The following DOCK5 variants were observed in gnomAD, a reference collection of about 807,000 sequenced individuals.
DOCK5 encodes the protein dedicator of cytokinesis protein 5.
A neutral mutation model predicts 251.8 loss-of-function variants in DOCK5; 142 were observed. The ratio of observed to expected loss-of-function variants is 0.56; its 90% confidence interval spans 0.49 to 0.65. The LOEUF (loss-of-function observed/expected upper bound fraction) is 0.65. Ranked by LOEUF, DOCK5 falls within the 30% of genes least tolerant of loss-of-function variation. DOCK5 has a pLI of 0.00. For missense variants in DOCK5, 2,111 were observed against 2,312.3 expected (o/e 0.91, Z 1.79); for synonymous variants, 842 against 835.5 (o/e 1.01, Z -0.13).
intron 1 of DOCK5, among the ~76,000 whole-genome samples, chr8:25,219,098 G>A (rs1219315258): frequency 6.6e-6 from 1 of 151,986 alleles, no homozygotes; most frequent in Non-Finnish European, 1.5e-5. Flanking sequence ...GCTATCTGTT[G>A]GTAGACGAGT....
intron 1 of DOCK5, among the ~76,000 whole-genome samples, chr8:25,240,049 C>T (rs958939015): frequency 6.6e-6 from 1 of 152,182 alleles, no homozygotes; most frequent in African/African-American, 2.4e-5. Context: ...AGACCCACCA[C>T]TGGCAATGTC....
chr8:25,303,227 G>T (rs990716792), intron 10 of DOCK5, among the ~76,000 whole-genome samples: 1 of 152,140 alleles, frequency 6.6e-6, no homozygotes, highest in African/African-American at 2.4e-5. Context: ...CGTTTTCTTT[G>T]CATGGGTTCT....
chr8:25,256,153 T>C (rs1340317739), intron 2 of DOCK5, among the ~76,000 whole-genome samples: 1 of 152,252 alleles, frequency 6.6e-6, no homozygotes, highest in East Asian at 1.9e-4. Context: ...ATATTCTGTG[T>C]ATCTGTTCCT....
chr8:25,364,314 A>C (rs1468754735), intron 29 of DOCK5, among the ~76,000 whole-genome samples: 1 of 152,182 alleles, frequency 6.6e-6, no homozygotes, highest in Non-Finnish European at 1.5e-5. Flanking sequence ...GCTTAAACAG[A>C]AGGATCATAA....
At chr8:25,411,126 A>G (rs1801624833) in intron 51 of DOCK5, 68 bp from the exon 52 acceptor site, 2 of 1,428,428 alleles carry the variant, frequency 1.4e-6, no homozygotes, top group Non-Finnish European at 1.8e-6. Context: ...TATGAGAAAT[A>G]GGAGGAGAAG....
At chr8:25,380,924 T>TTCCAAATGCCCAGTGGAGGCAGCACCAC (rs1801055169) in intron 39 of DOCK5, among the ~76,000 whole-genome samples, 8 of 149,568 alleles carry the variant, frequency 5.3e-5, no homozygotes, top group African/African-American at 2.0e-4. Flanking sequence ...GGCAGCACCA[T>TTCCAAATGCCCAGTGGAGGCAGCACCAC]TCCAAATGCC....
At chr8:25,283,418 G>A (rs1037948546) in intron 5 of DOCK5, among the ~76,000 whole-genome samples, 1 of 152,094 alleles carries the variant, frequency 6.6e-6, no homozygotes, top group African/African-American at 2.4e-5. Context: ...CAAGTCTGCT[G>A]GATGTTGTTC....
At chr8:25,252,957 G>A (rs1178069043) in intron 2 of DOCK5, among the ~76,000 whole-genome samples, 2 of 152,020 alleles carry the variant, frequency 1.3e-5, no homozygotes, top group Non-Finnish European at 1.5e-5. Flanking sequence ...TCAGCCTCCC[G>A]AGTAGCTGGG....
At chr8:25,213,036 G>A (rs147862789) in intron 1 of DOCK5, among the ~76,000 whole-genome samples, 1,281 of 31,110 alleles carry the variant, frequency 0.041, 371 homozygotes, top group Middle Eastern at 0.083. Flanking sequence ...GCCTACAATG[G>A]TCATGGGTGG....
At chr8:25,321,364 G>T (rs1805420243) in intron 16 of DOCK5, among the ~76,000 whole-genome samples, 1 of 152,196 alleles carries the variant, frequency 6.6e-6, no homozygotes, top group African/African-American at 2.4e-5. Flanking sequence ...GACCAGGGGT[G>T]GGGTGATGGT....
intron 38 of DOCK5, among the ~76,000 whole-genome samples, chr8:25,378,761 C>A (rs1801009440): frequency 6.6e-6 from 1 of 152,212 alleles, no homozygotes; most frequent in Non-Finnish European, 1.5e-5. Context: ...CAGTGCCCTG[C>A]ATTGAAATAC....
intron 36 of DOCK5, 65 bp downstream of exon 36, chr8:25,373,723 T>C: frequency 6.9e-7 from 1 of 1,459,178 alleles, no homozygotes; most frequent in South Asian, 1.3e-5. Context: ...ATTTCTTCAG[T>C]AAACAAATAC....
intron 6 of DOCK5, among the ~76,000 whole-genome samples, chr8:25,295,118 G>A (rs1804585194): frequency 6.6e-6 from 1 of 151,964 alleles, no homozygotes; most frequent in African/African-American, 2.4e-5. Context: ...ATAGTATTAG[G>A]TACTGTACAT....
chr8:25,234,992 A>T (rs1375944730), intron 1 of DOCK5, among the ~76,000 whole-genome samples: 1 of 152,146 alleles, frequency 6.6e-6, no homozygotes, highest in Non-Finnish European at 1.5e-5. Flanking sequence ...AGGTGTCACC[A>T]TGCCCTGAAT....
intron 44 of DOCK5, among the ~76,000 whole-genome samples, chr8:25,394,929 T>G (rs1246384657): frequency 2.0e-5 from 3 of 147,590 alleles, no homozygotes; most frequent in Non-Finnish European, 3.0e-5. Flanking sequence ...TCCATGGACC[T>G]GGGGTGGGAA....
chr8:25,226,858 T>G (rs956221477), intron 1 of DOCK5, among the ~76,000 whole-genome samples: 1 of 152,242 alleles, frequency 6.6e-6, no homozygotes, highest in African/African-American at 2.4e-5. Context: ...GTGCTGGGAT[T>G]ACAGGCGTGA....
At chr8:25,234,184 T>C (rs1802738748) in intron 1 of DOCK5, among the ~76,000 whole-genome samples, 1 of 152,236 alleles carries the variant, frequency 6.6e-6, no homozygotes, top group African/African-American at 2.4e-5. Context: ...TTCATGTACA[T>C]ATAGAGAGGA....
intron 1 of DOCK5, among the ~76,000 whole-genome samples, chr8:25,223,517 G>T (rs1802445482): frequency 6.6e-6 from 1 of 152,180 alleles, no homozygotes; most frequent in African/African-American, 2.4e-5. Context: ...GTCTCGCTCT[G>T]CTGCCCAGCC....
chr8:25,260,383 A>T (rs566952908), intron 2 of DOCK5, among the ~76,000 whole-genome samples: 5 of 148,218 alleles, frequency 3.4e-5, no homozygotes, highest in African/African-American at 1.3e-4. Context: ...AAACACACAC[A>T]TAATGCAGGT....
Sources: allele counts gnomAD v4.1 joint callset (sites outside exome capture counted in the v4.1 genomes callset), GRCh38; gene constraint gnomAD v4.1.1; transcripts MANE v1.5; gene names NCBI Gene and HGNC (gene_info 2026-07-23, HGNC 2026-07-21).